Variants in DCAF5 observed in about 807,000 individuals in gnomAD.
DCAF5 encodes the protein DDB1 and CUL4 associated factor 5.
DCAF5 carries 9 observed loss-of-function variants against 80.7 expected under a neutral mutation model. That is an observed-to-expected ratio of 0.11 (90% confidence interval 0.07 to 0.19). The LOEUF (loss-of-function observed/expected upper bound fraction) is 0.19, where lower values mean the gene tolerates loss of function less well. Among genes scored for constraint, DCAF5 ranks in the 10% least tolerant of loss-of-function variants. The pLI is 1.00. For missense variants in DCAF5, 842 were observed against 1,205.7 expected, an observed-to-expected ratio of 0.70 and a Z score of 4.47; for synonymous variants, 433 against 461.9, an observed-to-expected ratio of 0.94 and a Z score of 0.80.
At position 69,152,429 on chromosome 14, in the gene DCAF5, G is replaced by A; in HGVS notation, c.214+336C>T. ...CCCCCAGCACCTTTTAAAGTACGCG[G>A]AGGAAGAGTTTGCCGTCAAACTTTG... On this transcript the variant is annotated intron_variant, in intron 1 of 8. Coordinates refer to ENST00000341516, the MANE Select transcript of DCAF5 (RefSeq NM_003861.3). The surrounding 1 kb of genome is among the most constrained non-coding windows in gnomAD (Gnocchi z 4.1). The A allele has an allele frequency of 4.2e-6, 1 of 238,404 alleles. No homozygotes were observed. Among genetic ancestry groups the A allele is most frequent in the Non-Finnish European group, 8.2e-6 (1 of 121,544 alleles). 14.8% of individuals were successfully genotyped at this position (238,404 alleles called of 1,614,324 possible).
At chr14:69,111,661 T>C (rs1424536144) in intron 5 of DCAF5, among the ~76,000 whole-genome samples, 2 of 152,296 alleles carry the variant, frequency 1.3e-5, no homozygotes, top group Non-Finnish European at 2.9e-5. Flanking sequence ...AGGATCTCAG[T>C]TCTGAAAAGT....
At position 69,055,589 on chromosome 14, in the gene DCAF5, G is replaced by A. The variant is rs921007437; in HGVS notation, c.1097C>T (p.Pro366Leu). ...ACCGTCGAGGTCTCCAGTACATCCT[G>A]GCTGCTTGTATGGGCTCCAGATCTG... Reference protein sequence around the residue: ...IIKIWSPYKQPGCTGDLDGRI... With the variant: ...IIKIWSPYKQLGCTGDLDGRI... The change falls in exon 9 of 9, where the codon CCA becomes CTA. Residue 366 changes from proline (P) to leucine (L), a missense_variant. Coordinates refer to ENST00000341516, the MANE Select transcript of DCAF5 (RefSeq NM_003861.3). This position sits in a 1 kb window ranked among gnomAD's most constrained non-coding sequence, Gnocchi z 5.6. 6.2e-7 allele frequency: 1 copy of A among 1,602,606 alleles called. No individual in the cohort carries two copies. The highest frequency in any genetic ancestry group is 8.5e-7 in the Non-Finnish European group (1 of 1,170,278).
rs1007648353 is a variant in DCAF5 at position 69,084,888 on chromosome 14, A to T, written c.879+6786T>A. The T allele has an allele frequency of 4.5e-6, 6 of 1,332,964 alleles. No individual in the cohort carries two copies. In the African/African-American group the frequency reaches 8.7e-5, roughly 19 times the overall value. The allele number at this position is 1,332,964 out of a possible 1,614,324, so 82.6% of individuals were successfully genotyped here. A position where few individuals can be genotyped will look rare whatever the true frequency, so the allele number is the denominator to read the frequency against. The stretch of plus-strand genomic sequence containing the variant: ...TGGATTGTTCAGTATGACCCTCCGG[A>T]TGACCCTAAGGAATAATATTCATCG... On this transcript the variant is annotated intron_variant, in intron 6 of 8. Coordinates refer to ENST00000341516, the MANE Select transcript of DCAF5 (RefSeq NM_003861.3).
At chr14:69,132,223 T>C (rs1455154269) in intron 1 of DCAF5, among the ~76,000 whole-genome samples, 1 of 152,176 alleles carries the variant, frequency 6.6e-6, no homozygotes, top group African/African-American at 2.4e-5. Flanking sequence ...GCCATACTGT[T>C]TTCCACAGTG....
chr14:69,128,474 G>C (rs2040941396), intron 1 of DCAF5, among the ~76,000 whole-genome samples: 2 of 152,124 alleles, frequency 1.3e-5, no homozygotes, highest in Admixed American at 1.3e-4. Context: ...GCGTGAGCCT[G>C]GCTGAATATT....
intron 5 of DCAF5, among the ~76,000 whole-genome samples, chr14:69,095,569 A>G (rs1408205620): frequency 6.6e-6 from 1 of 152,170 alleles, no homozygotes; most frequent in African/African-American, 2.4e-5. Flanking sequence ...ACACACAAAA[A>G]CCACTCAATT....
At chr14:69,123,514 A>G (rs1420599953) in intron 1 of DCAF5, among the ~76,000 whole-genome samples, 3 of 152,194 alleles carry the variant, frequency 2.0e-5, no homozygotes, top group Non-Finnish European at 2.9e-5. Context: ...TTATGGTGGT[A>G]AAATATATAT....
intron 5 of DCAF5, among the ~76,000 whole-genome samples, chr14:69,100,494 T>C (rs2039911009): frequency 1.3e-5 from 2 of 152,216 alleles, no homozygotes; most frequent in Admixed American, 1.3e-4. Flanking sequence ...AATCTTAGTG[T>C]CCCTTACCAT....
At chr14:69,094,686 G>A (rs989757904) in intron 5 of DCAF5, among the ~76,000 whole-genome samples, 2 of 152,250 alleles carry the variant, frequency 1.3e-5, no homozygotes, top group South Asian at 2.1e-4. Context: ...TTGCCGGGAA[G>A]GCAAAGCTTG....
intron 6 of DCAF5, among the ~76,000 whole-genome samples, chr14:69,077,287 C>T (rs1450291318): frequency 6.6e-6 from 1 of 152,180 alleles, no homozygotes; most frequent in Admixed American, 6.5e-5. Flanking sequence ...ACTGCAGTCT[C>T]GACCTCCTGG....
intron 7 of DCAF5, among the ~76,000 whole-genome samples, chr14:69,071,970 C>A (rs1308150867): frequency 6.6e-6 from 1 of 152,110 alleles, no homozygotes; most frequent in Non-Finnish European, 1.5e-5. Flanking sequence ...ATCCTTTCCC[C>A]ATATAAGCAG....
At chr14:69,130,424 G>A (rs1023917253) in intron 1 of DCAF5, among the ~76,000 whole-genome samples, 5 of 152,220 alleles carry the variant, frequency 3.3e-5, no homozygotes, top group African/African-American at 7.2e-5. Flanking sequence ...GGGGCTGGGG[G>A]AAAAGAGGAA....
intron 7 of DCAF5, among the ~76,000 whole-genome samples, chr14:69,062,785 A>C (rs1432181386): frequency 1.3e-5 from 2 of 152,202 alleles, no homozygotes; most frequent in African/African-American, 4.8e-5. Flanking sequence ...AAAGCCACTT[A>C]AAACATTTCT....
At chr14:69,066,294 C>T (rs564969891) in intron 7 of DCAF5, among the ~76,000 whole-genome samples, 1 of 152,216 alleles carries the variant, frequency 6.6e-6, no homozygotes, top group African/African-American at 2.4e-5. Flanking sequence ...ACCACCACGC[C>T]CAGCTAATTT....
In DCAF5 at chr14:69,116,506, A is replaced by T. The variant is rs1209345231; in HGVS notation, c.536-11T>A. The T allele has an allele frequency of 5.0e-6, 8 of 1,611,644 alleles. No homozygotes were observed. The highest frequency in any genetic ancestry group is 1.7e-5 in the Admixed American group (1 of 59,928). ...CCAGGCAGAAGGGCTCTGTGGAAAG[A>T]AAAATTATAATCAGTTCACTCCAGG... is the stretch of plus-strand genomic sequence containing the variant. On this transcript the variant is annotated splice_polypyrimidine_tract_variant and intron_variant, in intron 4 of 8. Coordinates refer to ENST00000341516, the MANE Select transcript of DCAF5 (RefSeq NM_003861.3).
chr14:69,152,961 G>A lies in DCAF5; in HGVS notation c.18C>T (p.Gly6=), dbSNP rs763337659. 4.0e-5 allele frequency: 65 copies of A among 1,607,994 alleles called. No homozygotes were observed. Among genetic ancestry groups the A allele is most frequent in the Non-Finnish European group, 5.2e-5 (61 of 1,178,246 alleles). Residue 6 remains glycine, a synonymous_variant, in exon 1 of 9, where the codon GGC becomes GGT. Transcript: ENST00000341516. The surrounding 1 kb of genome is among the most constrained non-coding windows in gnomAD (Gnocchi z 4.1). ...CCACTGACCTCATGCTGCCCCCCAG[G>A]CCAGCTCTCCTCTTCATGCTGGAAC... MKRRA[G]LGGSMRSVVG...
At chr14:69,078,971 T>C (rs2039000118) in intron 6 of DCAF5, among the ~76,000 whole-genome samples, 1 of 152,140 alleles carries the variant, frequency 6.6e-6, no homozygotes, top group African/African-American at 2.4e-5. Context: ...CAAGCAATTT[T>C]CATGCCTCAG....
At chr14:69,101,382 C>T (rs559815335) in intron 5 of DCAF5, among the ~76,000 whole-genome samples, 5 of 152,336 alleles carry the variant, frequency 3.3e-5, no homozygotes, top group African/African-American at 9.6e-5. Flanking sequence ...CTGTGTCACA[C>T]ACATGGATTC....
intron 7 of DCAF5, among the ~76,000 whole-genome samples, chr14:69,068,266 A>C (rs2038542071): frequency 6.6e-6 from 1 of 152,220 alleles, no homozygotes; most frequent in Non-Finnish European, 1.5e-5. Context: ...GATACTCAAT[A>C]AGTGAACAAA....
Sources: gnomAD v4.1 joint callset for allele counts (sites outside exome capture counted in the v4.1 genomes callset) on GRCh38, gnomAD v4.1.1 for gene constraint, Gnocchi (gnomAD v3.1) non-coding constraint, MANE v1.5 for transcripts, NCBI Gene and HGNC (gene_info 2026-07-23, HGNC 2026-07-21) for gene names.